Variants in WAC observed in about 807,000 individuals in gnomAD.
WAC encodes WW domain containing adaptor with coiled-coil.
In WAC, 11 loss-of-function variants were observed where a neutral mutation model predicts 79.6. The ratio of observed to expected loss-of-function variants is 0.14; its 90% CI spans 0.09 to 0.23. WAC has a LOEUF of 0.23. WAC is among the 10% of genes least tolerant of loss of function. The pLI is 1.00. For missense variants in WAC, 728 were observed against 773.5 expected, an observed-to-expected ratio of 0.94 and a Z score of 0.70; for synonymous variants, 304 against 276.9, an observed-to-expected ratio of 1.10 and a Z score of -0.97.
intron 3 of WAC, among the ~76,000 whole-genome samples, chr10:28,581,898 T>C (rs1049362170): frequency 6.6e-6 from 1 of 152,230 alleles, no homozygotes; most frequent in African/African-American, 2.4e-5. Flanking sequence ...GATTTATTTC[T>C]TGCTTCCTGT....
Position 28,616,207 on chromosome 10 carries a change from ACTT to A in WAC, c.1594_1596del (p.Ser532del), listed in dbSNP as rs1841460122. The A allele has an allele frequency of 6.2e-7, 1 of 1,610,666 alleles. No homozygotes were observed. Among genetic ancestry groups the A allele is most frequent in the African/African-American group, 1.3e-5 (1 of 74,890 alleles). The stretch of plus-strand genomic sequence containing the variant: ...AAGTCCATCACCTGGTCCCAATCAT[ACTT>A]CTAATAGTAGTAATGCATCAAATGC... On this transcript the variant is annotated inframe_deletion, in exon 12 of 14. Transcript: ENST00000354911.
intron 3 of WAC, among the ~76,000 whole-genome samples, chr10:28,570,409 C>G (rs1838881926): frequency 6.6e-6 from 1 of 152,176 alleles, no homozygotes; most frequent in Non-Finnish European, 1.5e-5. Context: ...TTATCTCCAG[C>G]CTTCGGCAGC....
At chr10:28,556,216 C>G (rs965022649) in intron 3 of WAC, among the ~76,000 whole-genome samples, 1 of 151,690 alleles carries the variant, frequency 6.6e-6, no homozygotes, top group Non-Finnish European at 1.5e-5. Flanking sequence ...GCACCCTCAC[C>G]AACACTTAAC....
rs1288476726 is a variant in WAC, at chr10:28,621,092, G to GA, written c.*1493dup. On this transcript the variant is annotated 3_prime_UTR_variant, in exon 14 of 14. Coordinates refer to ENST00000354911, the MANE Select transcript of WAC (RefSeq NM_016628.5). ...TATCAAATCACAAGGGTTTCCGCAT[G>GA]AAAAAAATCTTTTCTTCCCCCACAA... is the stretch of plus-strand genomic sequence containing the variant. 2 of 150,472 alleles carry GA rather than the reference G, an allele frequency of 1.3e-5. No individual in the cohort carries two copies. Among genetic ancestry groups the GA allele is most frequent in the Non-Finnish European group, 3.0e-5 (2 of 67,728 alleles). 9.3% of individuals were successfully genotyped at this position (150,472 alleles called of 1,614,324 possible).
chr10:28,554,056 T>TG (rs1456606038), intron 3 of WAC, among the ~76,000 whole-genome samples: 1 of 152,056 alleles, frequency 6.6e-6, no homozygotes, highest in African/African-American at 2.4e-5. Flanking sequence ...TAGTAAGAGA[T>TG]GGGGTTTCGC....
chr10:28,606,196 G>A (rs1840940385), intron 7 of WAC, among the ~76,000 whole-genome samples: 2 of 152,188 alleles, frequency 1.3e-5, no homozygotes, highest in African/African-American at 4.8e-5. Context: ...GACCACAGGC[G>A]CAAGCCACCA....
Position 28,590,823 on chromosome 10 carries a change from G to A in WAC, c.601G>A (p.Ala201Thr). The change falls in exon 6 of 14, where the codon GCC (alanine) becomes ACC (threonine). Residue 201 changes from alanine to threonine, a missense_variant. Ala to Thr is a moderately conservative substitution (Grantham distance 58). Transcript: ENST00000354911. ...VMQATATSGF[A>T]SGMEDKHSSD... ...GCAAGCAACAGCCACTAGTGGGTTTGCCAGTGGAAGTAAGTATTAATTTTT... is the reference window on the plus strand; with the variant it reads ...GCAAGCAACAGCCACTAGTGGGTTTACCAGTGGAAGTAAGTATTAATTTTT... The A allele has an allele frequency of 6.2e-7, 1 of 1,607,396 alleles. No individual in the cohort carries two copies.
intron 7 of WAC, among the ~76,000 whole-genome samples, chr10:28,606,046 A>T (rs1464254651): frequency 1.0e-5 from 1 of 99,346 alleles, no homozygotes. Flanking sequence ...AGCTGACAGC[A>T]GTTTTTTGGT....
intron 3 of WAC, among the ~76,000 whole-genome samples, chr10:28,544,936 A>G (rs1331290627): frequency 6.6e-6 from 1 of 151,548 alleles, no homozygotes; most frequent in African/African-American, 2.4e-5. Context: ...GTGGTGGTGC[A>G]TACCTGTAAT....
At chr10:28,563,910 A>G (rs951099928) in intron 3 of WAC, among the ~76,000 whole-genome samples, 1 of 151,792 alleles carries the variant, frequency 6.6e-6, no homozygotes, top group Non-Finnish European at 1.5e-5. Context: ...AGTATACAGT[A>G]TTTTTAACAA....
Position 28,622,418 on chromosome 10 carries a change from T to A in WAC, c.*2812T>A, listed in dbSNP as rs1273172742. ...CTAGGGAACTTGAGTGGCCTTTCCC[T>A]CCCCCTGCCCCCCCCCCCCCCCCCC... is the stretch of plus-strand genomic sequence containing the variant. On this transcript the variant is annotated 3_prime_UTR_variant, in exon 14 of 14. Transcript: ENST00000354911. The A allele has an allele frequency of 3.5e-4, 1 of 2,820 alleles. No individual in the cohort carries two copies. The allele number at this position is 2,820 out of a possible 1,614,324, so 0.2% of individuals were successfully genotyped here. A position where few individuals can be genotyped will look rare whatever the true frequency, so the allele number is the denominator to read the frequency against.
chr10:28,545,060 A>T (rs1837277985), intron 3 of WAC, among the ~76,000 whole-genome samples: 1 of 129,610 alleles, frequency 7.7e-6, no homozygotes, highest in Admixed American at 7.9e-5. Flanking sequence ...AAAAAAAAAA[A>T]TGGTAGTGCA....
At chr10:28,584,084 C>G (rs867679604) in intron 4 of WAC, among the ~76,000 whole-genome samples, 1 of 152,154 alleles carries the variant, frequency 6.6e-6, no homozygotes, top group African/African-American at 2.4e-5. Flanking sequence ...ATTCACCAGG[C>G]ATATGCTAAG....
intron 13 of WAC, among the ~76,000 whole-genome samples, chr10:28,618,533 A>G (rs989608158): frequency 3.3e-5 from 5 of 152,222 alleles, no homozygotes; most frequent in African/African-American, 9.6e-5. Context: ...AAGTAGTTCT[A>G]ACAAACTTCA....
At chr10:28,610,595 T>G in intron 8 of WAC, 104 bp from the exon 9 acceptor site, 1 of 1,226,228 alleles carries the variant, frequency 8.2e-7, no homozygotes, top group Non-Finnish European at 1.1e-6. Context: ...AGTTCTAGGT[T>G]GAAATATTCC....
At chr10:28,565,354 A>G (rs922102886) in intron 3 of WAC, among the ~76,000 whole-genome samples, 2 of 152,162 alleles carry the variant, frequency 1.3e-5, no homozygotes, top group Non-Finnish European at 2.9e-5. Flanking sequence ...TTCATATGGT[A>G]GGTTAGCTGC....
Position 28,620,952 on chromosome 10 carries a change from CTAAAG to C in WAC, c.*1349_*1353del, listed in dbSNP as rs1342120871. The C allele has an allele frequency of 6.6e-6, 1 of 152,004 alleles. No homozygotes were observed. The highest frequency in any genetic ancestry group is 1.5e-5 in the Non-Finnish European group (1 of 68,004). 9.4% of individuals were successfully genotyped at this position (152,004 alleles called of 1,614,324 possible). A position where few individuals can be genotyped will look rare whatever the true frequency, so the allele number is the denominator to read the frequency against. On this transcript the variant is annotated 3_prime_UTR_variant, in exon 14 of 14. Transcript: ENST00000354911. ...AAAGCGCAGCTTTGTATATTGTTTC[CTAAAG>C]TATATTAAAATAAAAAAAGAAACTA...
intron 3 of WAC, among the ~76,000 whole-genome samples, chr10:28,549,503 AT>A (rs1414265336): frequency 6.6e-6 from 1 of 152,090 alleles, no homozygotes; most frequent in Non-Finnish European, 1.5e-5. Flanking sequence ...GTTGTCCCTG[AT>A]TCTTTTTTCC....
In WAC at chr10:28,595,853, C is replaced by T. The variant is rs752492394; in HGVS notation, c.731C>T (p.Thr244Met). 4.3e-6 allele frequency: 7 copies of T among 1,614,034 alleles called. No individual in the cohort carries two copies. The highest frequency in any genetic ancestry group is 1.1e-5 in the South Asian group (1 of 91,090). ...AGAGCAGAGACTCACAGTAGTTCTA[C>T]GCCAGTACAGCACCCCATCAAACCA... is the stretch of plus-strand genomic sequence containing the variant. Reference protein sequence around the residue: ...LPRAETHSSSTPVQHPIKPVV... With the variant: ...LPRAETHSSSMPVQHPIKPVV... Residue 244 changes from threonine (T) to methionine (M), a missense_variant, in exon 7 of 14, where the codon ACG becomes ATG. This residue lies in a region of WAC where 648 missense variants were observed against 661.5 expected (regional missense o/e 0.98). Transcript: ENST00000354911.
Sources: allele counts gnomAD v4.1 joint callset (sites outside exome capture counted in the v4.1 genomes callset), GRCh38; gene constraint gnomAD v4.1.1; regional missense constraint gnomAD v4.1.1; transcripts MANE v1.5; gene names NCBI Gene and HGNC (gene_info 2026-07-23, HGNC 2026-07-21).